The following GPC6 variants were observed in gnomAD, a reference collection of about 807,000 sequenced individuals.
The protein encoded by GPC6 is glypican-6.
Under a neutral mutation model 55.2 loss-of-function variants are expected in GPC6, and 14 were observed. The ratio of observed to expected loss-of-function variants is 0.25; its 90% CI spans 0.17 to 0.40. The LOEUF (loss-of-function observed/expected upper bound fraction) is 0.40, where lower values mean the gene tolerates loss of function less well. Ranked by LOEUF, GPC6 falls within the 10% of genes least tolerant of loss-of-function variation. The pLI is 1.00. For missense variants in GPC6, 641 were observed against 708.5 expected, an observed-to-expected ratio of 0.90 and a Z score of 1.08; for synonymous variants, 278 against 259.6, an observed-to-expected ratio of 1.07 and a Z score of -0.68.
At chr13:93,339,403 A>G (rs939886659) in intron 1 of GPC6, among the ~76,000 whole-genome samples, 3 of 149,702 alleles carry the variant, frequency 2.0e-5, no homozygotes, top group Admixed American at 1.3e-4. Flanking sequence ...AGCACCACGT[A>G]TACTTGCCAT....
At chr13:94,024,529 T>G (rs1053190465) in intron 3 of GPC6, among the ~76,000 whole-genome samples, 14 of 152,262 alleles carry the variant, frequency 9.2e-5, no homozygotes, top group Non-Finnish European at 1.9e-4. Context: ...ACATGAAAGC[T>G]TCGACTCTGA....
At chr13:93,925,480 T>C (rs1877809858) in intron 3 of GPC6, among the ~76,000 whole-genome samples, 1 of 152,186 alleles carries the variant, frequency 6.6e-6, no homozygotes, top group African/African-American at 2.4e-5. Flanking sequence ...TGATAAAAGT[T>C]GTATGTAAAA....
chr13:94,251,157 C>A (rs1317254616), intron 4 of GPC6, among the ~76,000 whole-genome samples: 2 of 151,984 alleles, frequency 1.3e-5, no homozygotes, highest in African/African-American at 4.8e-5. Context: ...TCCTTTGCAG[C>A]AACATGGATG....
intron 2 of GPC6, among the ~76,000 whole-genome samples, chr13:93,617,125 G>A: frequency 6.6e-6 from 1 of 152,032 alleles, no homozygotes; most frequent in East Asian, 1.9e-4. Flanking sequence ...TAATATTGAG[G>A]ATGATGATAG....
rs1235913128 is a variant in GPC6 at position 93,227,781 on chromosome 13, G to A, written c.160+165G>A. ...GTGTTGGGCGGCGGATGCTCCTGCG[G>A]CTTCTTCGGCGGGGGAAGGTGTGCG... On this transcript the variant is annotated intron_variant, in intron 1 of 8. Transcript: ENST00000377047. The surrounding 1 kb of genome is among the most constrained non-coding windows in gnomAD (Gnocchi z 4.3). Among the ~76,000 whole-genome samples the A allele has an allele frequency of 6.6e-6, 1 of 152,180 alleles. No homozygotes were observed. The highest frequency in any genetic ancestry group is 1.5e-5 in the Non-Finnish European group (1 of 68,032).
Position 93,736,724 on chromosome 13 carries a change from T to C in GPC6, c.320-93430T>C, listed in dbSNP as rs143797318. Among the ~76,000 whole-genome samples, 17 of 152,324 alleles carry C rather than the reference T, an allele frequency of 1.1e-4. No individual in the cohort carries two copies. In the East Asian group the frequency reaches 3.1e-3, roughly 28 times the overall value. Reference sequence around the variant, plus strand: ...ACCAGTTGAAGAAAAATAGTATCATTTGCACGGAGATAGAGGATACTGATT... The same window carrying C: ...ACCAGTTGAAGAAAAATAGTATCATCTGCACGGAGATAGAGGATACTGATT... On this transcript the variant is annotated intron_variant, in intron 2 of 8. Transcript: ENST00000377047.
At chr13:93,697,367 C>T (rs1882497373) in intron 2 of GPC6, among the ~76,000 whole-genome samples, 1 of 152,126 alleles carries the variant, frequency 6.6e-6, no homozygotes, top group Non-Finnish European at 1.5e-5. Context: ...CTTTACATCC[C>T]TTCATAAAAT....
chr13:94,403,171 G>C lies in GPC6; in HGVS notation c.1622G>C (p.Trp541Ser), dbSNP rs762091845. The change falls in exon 9 of 9, where the codon TGG becomes TCG. Residue 541 changes from tryptophan to serine, a missense_variant. Physicochemically the swap from Trp to Ser is radical, Grantham distance 177. Coordinates refer to ENST00000377047, the MANE Select transcript of GPC6 (RefSeq NM_005708.5). ...CAGCGTGGCCACTCCCTGCTCTCCT[G>C]GTCTCTCACCTGCATTGTCCTGGCA... ...AAQRGHSLLS[W>S]SLTCIVLALQ... 9 of 1,614,040 alleles carry C rather than the reference G, an allele frequency of 5.6e-6. No homozygotes were observed. Among genetic ancestry groups the C allele is most frequent in the Non-Finnish European group, 6.8e-6 (8 of 1,179,954 alleles).
intron 1 of GPC6, among the ~76,000 whole-genome samples, chr13:93,318,286 T>A (rs867550808): frequency 2.0e-5 from 3 of 152,126 alleles, no homozygotes; most frequent in African/African-American, 2.4e-5. Context: ...GTTGGTTGGC[T>A]TTTGTTGTTT....
intron 4 of GPC6, among the ~76,000 whole-genome samples, chr13:94,188,414 A>G (rs976866426): frequency 6.6e-6 from 1 of 152,176 alleles, no homozygotes; most frequent in African/African-American, 2.4e-5. Flanking sequence ...GTATAGGGGA[A>G]TAGAAGATTT....
chr13:93,337,193 T>G lies in GPC6; in HGVS notation c.160+109577T>G, dbSNP rs181811392. On this transcript the variant is annotated intron_variant, in intron 1 of 8. Coordinates refer to ENST00000377047, the MANE Select transcript of GPC6 (RefSeq NM_005708.5). ...ATCCCAGAAGTAAAATAGATATACCTACTTGCTGTGAAATTATTGAGTTTG... is the reference window on the plus strand; with the variant it reads ...ATCCCAGAAGTAAAATAGATATACCGACTTGCTGTGAAATTATTGAGTTTG... 5.9e-4 allele frequency among the ~76,000 whole-genome samples: 90 copies of G among 152,328 alleles called. 1 individual carries two copies. The highest frequency in any genetic ancestry group is 2.7e-3 in the Admixed American group (42 of 15,306).
At chr13:93,280,818 A>C (rs1209402828) in intron 1 of GPC6, among the ~76,000 whole-genome samples, 1 of 152,200 alleles carries the variant, frequency 6.6e-6, no homozygotes, top group African/African-American at 2.4e-5. Flanking sequence ...GTTCCACCTC[A>C]GATCATTAGG....
At chr13:93,994,382 T>G (rs981137794) in intron 3 of GPC6, among the ~76,000 whole-genome samples, 3 of 152,212 alleles carry the variant, frequency 2.0e-5, no homozygotes, top group Admixed American at 1.3e-4. Flanking sequence ...TTAATATTTC[T>G]GAATAGATTT....
At chr13:93,573,115 A>T (rs1191433512) in intron 2 of GPC6, among the ~76,000 whole-genome samples, 1 of 152,144 alleles carries the variant, frequency 6.6e-6, no homozygotes, top group African/African-American at 2.4e-5. Flanking sequence ...ACAATTTTCT[A>T]GGCACTTGAG....
At chr13:93,623,546 C>T (rs549435452) in intron 2 of GPC6, among the ~76,000 whole-genome samples, 2 of 150,272 alleles carry the variant, frequency 1.3e-5, no homozygotes, top group African/African-American at 4.9e-5. Flanking sequence ...GCAAGCTCCG[C>T]CTCCTGGGTT....
chr13:93,828,265 T>C (rs1455777861), intron 2 of GPC6, among the ~76,000 whole-genome samples: 1 of 152,146 alleles, frequency 6.6e-6, no homozygotes, highest in Non-Finnish European at 1.5e-5. Context: ...TCTTTCACAA[T>C]CTGTTACGCC....
At chr13:93,761,914 T>C (rs1487312994) in intron 2 of GPC6, among the ~76,000 whole-genome samples, 1 of 152,140 alleles carries the variant, frequency 6.6e-6, no homozygotes, top group East Asian at 1.9e-4. Context: ...GAAATATACA[T>C]TATTATTAAC....
intron 2 of GPC6, among the ~76,000 whole-genome samples, chr13:93,695,631 T>C (rs979833105): frequency 2.6e-5 from 4 of 152,102 alleles, no homozygotes; most frequent in Non-Finnish European, 4.4e-5. Context: ...TTAGATTTTT[T>C]AAAAAATATC....
At chr13:93,455,519 T>C (rs558327243) in intron 1 of GPC6, among the ~76,000 whole-genome samples, 9 of 151,900 alleles carry the variant, frequency 5.9e-5, no homozygotes, top group Admixed American at 5.2e-4. Context: ...TGGAAAAGAA[T>C]AGAGAGGTGA....
Sources: gnomAD v4.1 joint callset for allele counts (sites outside exome capture counted in the v4.1 genomes callset) on GRCh38, gnomAD v4.1.1 for gene constraint, Gnocchi (gnomAD v3.1) non-coding constraint, MANE v1.5 for transcripts, NCBI Gene and HGNC (gene_info 2026-07-23, HGNC 2026-07-21) for gene names.